Variants in ZC3H18 observed in about 807,000 individuals in gnomAD.
ZC3H18 encodes the protein zinc finger CCCH-type containing 18.
Under a neutral mutation model 106.1 loss-of-function variants are expected in ZC3H18, and 8 were observed. The ratio of observed to expected loss-of-function variants is 0.08; its 90% CI spans 0.04 to 0.14. ZC3H18 has a LOEUF of 0.14. ZC3H18 is among the 10% of genes least tolerant of loss of function. The pLI is 1.00. For missense variants in ZC3H18, 1,318 were observed against 1,278.4 expected, an observed-to-expected ratio of 1.03 and a Z score of -0.47; for synonymous variants, 635 against 522.1, an observed-to-expected ratio of 1.22 and a Z score of -2.95.
At chr16:88,571,559 A>G (rs1914408629) in intron 1 of ZC3H18, 1 of 934,852 alleles carries the variant, frequency 1.1e-6, no homozygotes, top group East Asian at 1.2e-4. Flanking sequence ...GAGCCCAGCC[A>G]GCCCTGGAAC....
chr16:88,598,741 A>C, intron 5 of ZC3H18, 29 bp downstream of exon 5: 1 of 1,585,966 alleles, frequency 6.3e-7, no homozygotes, highest in Non-Finnish European at 8.6e-7. Context: ...AAATCCCGAC[A>C]AGAAAGATGC....
intron 7 of ZC3H18, among the ~76,000 whole-genome samples, chr16:88,610,887 C>T (rs1397732718): frequency 1.3e-5 from 2 of 152,194 alleles, no homozygotes; most frequent in Non-Finnish European, 2.9e-5. Context: ...CCAACGACAC[C>T]GGGCTGTGAC....
chr16:88,588,502 T>C (rs568708717), intron 3 of ZC3H18, among the ~76,000 whole-genome samples: 6 of 152,306 alleles, frequency 3.9e-5, no homozygotes, highest in African/African-American at 1.4e-4. Context: ...ACTGGAACTC[T>C]TCATTCCCTT....
At position 88,631,676 on chromosome 16, in the gene ZC3H18, C is replaced by T. The variant is rs1480205217; in HGVS notation, c.*377C>T. On this transcript the variant is annotated 3_prime_UTR_variant, in exon 18 of 18. Transcript: ENST00000301011. Reference sequence around the variant, plus strand: ...AGCCCGGGTCCAGGCAGCCAGGCTCCCTCCTGAGCTGAGAAACGGAACCTC... The same window carrying T: ...AGCCCGGGTCCAGGCAGCCAGGCTCTCTCCTGAGCTGAGAAACGGAACCTC... 1.7e-5 allele frequency: 8 copies of T among 465,508 alleles called. No individual in the cohort carries two copies. Among genetic ancestry groups the T allele is most frequent in the Admixed American group, 1.4e-4 (6 of 41,912 alleles). The allele number at this position is 465,508 out of a possible 1,614,324, so 28.8% of individuals were successfully genotyped here. A position where few individuals can be genotyped will look rare whatever the true frequency, so the allele number is the denominator to read the frequency against.
Position 88,598,608 on chromosome 16 carries a change from G to T in ZC3H18, c.838-12G>T, listed in dbSNP as rs1462154395. The T allele has an allele frequency of 1.9e-6, 3 of 1,602,902 alleles. No homozygotes were observed. The highest frequency in any genetic ancestry group is 2.6e-6 in the Non-Finnish European group (3 of 1,173,632). ...TTACTTTCTCACCTTCTCCCTTCTC[G>T]TTTTTCAATAGGGTGGGCCGGTAGT... On this transcript the variant is annotated splice_polypyrimidine_tract_variant and intron_variant, in intron 4 of 17. Coordinates refer to ENST00000301011, the MANE Select transcript of ZC3H18 (RefSeq NM_144604.4).
At chr16:88,585,318 C>T (rs1915371496) in intron 2 of ZC3H18, among the ~76,000 whole-genome samples, 1 of 152,212 alleles carries the variant, frequency 6.6e-6, no homozygotes, top group Non-Finnish European at 1.5e-5. Context: ...TTTAGGTTGT[C>T]GTAAATCCAG....
chr16:88,588,249 T>C (rs1382897609), intron 3 of ZC3H18, among the ~76,000 whole-genome samples: 2 of 152,228 alleles, frequency 1.3e-5, no homozygotes, highest in East Asian at 3.8e-4. Context: ...TCTGTACACA[T>C]GTACGTGTAC....
chr16:88,579,104 G>A (rs1461021427), intron 2 of ZC3H18, among the ~76,000 whole-genome samples: 1 of 152,238 alleles, frequency 6.6e-6, no homozygotes, highest in African/African-American at 2.4e-5. Flanking sequence ...AGGGTTTGAA[G>A]TATTGCTCAT....
At chr16:88,626,944 T>A (rs1906348816) in intron 13 of ZC3H18, 1 of 152,280 alleles carries the variant, frequency 6.6e-6, no homozygotes, top group South Asian at 2.1e-4. Context: ...GTGTTTTTAA[T>A]TTCCCTGTGG....
intron 8 of ZC3H18, among the ~76,000 whole-genome samples, chr16:88,614,669 T>A (rs1905470411): frequency 6.6e-6 from 1 of 152,272 alleles, no homozygotes; most frequent in Non-Finnish European, 1.5e-5. Flanking sequence ...AATCCTTTTA[T>A]GTTACAGTAA....
chr16:88,606,214 A>G (rs987087507), intron 6 of ZC3H18, among the ~76,000 whole-genome samples: 12 of 152,232 alleles, frequency 7.9e-5, no homozygotes, highest in African/African-American at 2.7e-4. Flanking sequence ...TTTAAATTGA[A>G]TTAAATACCT....
intron 2 of ZC3H18, among the ~76,000 whole-genome samples, chr16:88,586,155 T>A (rs1196034123): frequency 6.6e-6 from 1 of 152,200 alleles, no homozygotes; most frequent in African/African-American, 2.4e-5. Context: ...CACTCCCAAC[T>A]GCTGGCATCA....
intron 6 of ZC3H18, among the ~76,000 whole-genome samples, chr16:88,601,470 G>A (rs372204690): frequency 7.9e-4 from 120 of 152,234 alleles, no homozygotes; most frequent in African/African-American, 2.8e-3. Context: ...AGCAGGGACC[G>A]GAAAACTGCC....
intron 3 of ZC3H18, among the ~76,000 whole-genome samples, chr16:88,593,511 A>G (rs921951200): frequency 2.0e-5 from 3 of 152,214 alleles, no homozygotes; most frequent in African/African-American, 7.2e-5. Context: ...GACGCAGGTA[A>G]CTGAAACTGT....
chr16:88,581,512 T>A (rs1054252724), intron 2 of ZC3H18, among the ~76,000 whole-genome samples: 68 of 152,320 alleles, frequency 4.5e-4, no homozygotes, highest in African/African-American at 1.6e-3. Flanking sequence ...GATGCAAGTA[T>A]CTTCTGGAAG....
chr16:88,608,187 G>T (rs1382433925), intron 6 of ZC3H18, among the ~76,000 whole-genome samples: 4 of 152,098 alleles, frequency 2.6e-5, no homozygotes, highest in East Asian at 1.9e-4. Flanking sequence ...TGTGCCTCTA[G>T]TGGGCTCCCC....
chr16:88,611,391 A>G lies in ZC3H18; in HGVS notation c.1330A>G (p.Lys444Glu), dbSNP rs1905267074. 3 of 1,186,458 alleles carry G rather than the reference A, an allele frequency of 2.5e-6. No homozygotes were observed. Among genetic ancestry groups the G allele is most frequent in the African/African-American group, 1.5e-5 (1 of 65,852 alleles). The allele number at this position is 1,186,458 out of a possible 1,614,324, so 73.5% of individuals were successfully genotyped here. ...GCGAGAGCGGGAGCGCGAGCGCGAC[A>G]AGGAGCGGCAGCGGAGGAAGGAGGA... ...RERERERERDKERQRRKEEWE... is the reference protein window; with the variant it reads ...RERERERERDEERQRRKEEWE... The change falls in exon 8 of 18, where the codon AAG (lysine) becomes GAG (glutamate). Residue 444 changes from lysine (K) to glutamate (E), a missense_variant. Physicochemically the swap from Lys to Glu is moderately conservative, Grantham distance 56. Coordinates refer to ENST00000301011, the MANE Select transcript of ZC3H18 (RefSeq NM_144604.4).
chr16:88,584,101 A>G (rs1395271680), intron 2 of ZC3H18, among the ~76,000 whole-genome samples: 1 of 152,118 alleles, frequency 6.6e-6, no homozygotes, highest in Admixed American at 6.6e-5. Context: ...ATATTTTGTT[A>G]TTTACACATA....
intron 6 of ZC3H18, among the ~76,000 whole-genome samples, chr16:88,602,518 A>G (rs1293066434): frequency 2.0e-5 from 3 of 152,234 alleles, no homozygotes; most frequent in African/African-American, 7.2e-5. Flanking sequence ...AGGAAGACTG[A>G]GTCTGAAACT....
Sources: allele counts gnomAD v4.1 joint callset (sites outside exome capture counted in the v4.1 genomes callset), GRCh38; gene constraint gnomAD v4.1.1; transcripts MANE v1.5; gene names NCBI Gene and HGNC (gene_info 2026-07-23, HGNC 2026-07-21).